The following MTOR variants were observed in gnomAD, a reference collection of about 807,000 sequenced individuals.
MTOR encodes the protein serine/threonine-protein kinase mTOR.
A neutral mutation model predicts 319.8 loss-of-function variants in MTOR; 70 were observed. That is an observed-to-expected ratio of 0.22 (90% CI 0.18 to 0.27). The LOEUF is 0.27. Among genes scored for constraint, MTOR ranks in the 10% least tolerant of loss-of-function variants. The pLI is 1.00. For missense variants in MTOR, 1,890 were observed against 3,274.4 expected (o/e 0.58, Z 10.32); for synonymous variants, 1,183 against 1,211.4 (o/e 0.98, Z 0.49).
At chr1:11,108,834 A>C (rs541306546) in intron 56 of MTOR, among the ~76,000 whole-genome samples, 1 of 151,886 alleles carries the variant, frequency 6.6e-6, no homozygotes, top group African/African-American at 2.4e-5. Context: ...ATCTCTACTA[A>C]AAACACAAAA....
intron 25 of MTOR, 126 bp downstream of exon 25, chr1:11,209,186 G>T: frequency 9.1e-7 from 1 of 1,102,052 alleles, no homozygotes; most frequent in Non-Finnish European, 1.3e-6. Flanking sequence ...TAAGTTCATG[G>T]TATCTAGATT....
intron 31 of MTOR, among the ~76,000 whole-genome samples, chr1:11,148,264 A>C (rs1177626468): frequency 6.6e-6 from 1 of 152,190 alleles, no homozygotes; most frequent in Non-Finnish European, 1.5e-5. Flanking sequence ...CCAAAATACT[A>C]GTCTGGAAAC....
chr1:11,254,494 T>C (rs186186027), intron 5 of MTOR, among the ~76,000 whole-genome samples: 72 of 152,218 alleles, frequency 4.7e-4, no homozygotes, highest in Non-Finnish European at 8.5e-4. Flanking sequence ...TCATCCCTAT[T>C]TAACAGCTAA....
intron 54 of MTOR, 38 bp downstream of exon 54, chr1:11,112,814 G>C: frequency 6.2e-7 from 1 of 1,606,458 alleles, no homozygotes; most frequent in South Asian, 1.1e-5. Context: ...CTCTGCACAA[G>C]GGGGAGAGCC....
chr1:11,165,628 A>T (rs1462179415), intron 29 of MTOR, among the ~76,000 whole-genome samples: 12 of 152,224 alleles, frequency 7.9e-5, no homozygotes, highest in Non-Finnish European at 1.3e-4. Context: ...TTCCATGCTC[A>T]TGGATAGGAA....
chr1:11,251,011 G>C (rs576532660), intron 6 of MTOR, among the ~76,000 whole-genome samples: 1 of 152,276 alleles, frequency 6.6e-6, no homozygotes, highest in East Asian at 1.9e-4. Flanking sequence ...CTCCTAACTG[G>C]ATTCCTGGCT....
chr1:11,177,785 T>TG (rs548072925), intron 28 of MTOR, among the ~76,000 whole-genome samples: 1 of 151,864 alleles, frequency 6.6e-6, no homozygotes, highest in Non-Finnish European at 1.5e-5. Flanking sequence ...CGTGGGGGAA[T>TG]GGGGGCGCGT....
chr1:11,149,461 C>T (rs964509067), intron 31 of MTOR: 1 of 152,240 alleles, frequency 6.6e-6, no homozygotes, highest in African/African-American at 2.4e-5. Flanking sequence ...GAAGCTTCTG[C>T]ACTCCAGACC....
intron 28 of MTOR, chr1:11,195,354 C>A: frequency 4.4e-6 from 1 of 228,082 alleles, no homozygotes. Flanking sequence ...ATTTTGAGAT[C>A]GTTTTATCTA....
intron 38 of MTOR, chr1:11,132,005 C>A (rs1643186351): frequency 6.6e-6 from 1 of 152,132 alleles, no homozygotes; most frequent in South Asian, 2.1e-4. Flanking sequence ...CTGCTATGTG[C>A]CTGGCAATGA....
intron 19 of MTOR, among the ~76,000 whole-genome samples, chr1:11,228,442 G>T (rs1646916273): frequency 6.6e-6 from 1 of 152,112 alleles, no homozygotes; most frequent in Admixed American, 6.6e-5. Context: ...GCCCACTTCG[G>T]CCTCCCAAAG....
intron 5 of MTOR, among the ~76,000 whole-genome samples, chr1:11,255,557 A>G (rs144731729): frequency 7.9e-4 from 120 of 152,280 alleles, no homozygotes; most frequent in African/African-American, 2.6e-3. Context: ...TGAGCATAAA[A>G]AATTCATTGG....
At position 11,122,368 on chromosome 1, in the gene MTOR, TA is replaced by T. The variant is rs893703967; in HGVS notation, c.6663-243del. Among the ~76,000 whole-genome samples the T allele has an allele frequency of 4.6e-5, 7 of 151,112 alleles. 1 individual carries two copies. In the South Asian group the frequency reaches 8.4e-4, roughly 18 times the overall value. ...ACAGGCGTGTGCCACCATGCCCAAC[TA>T]ATCTTTTTATTTTTGGTAGAGACGG... On this transcript the variant is annotated intron_variant, in intron 47 of 57. Transcript: ENST00000361445.
chr1:11,253,172 A>T (rs138272115), intron 6 of MTOR, among the ~76,000 whole-genome samples: 65 of 152,210 alleles, frequency 4.3e-4, no homozygotes, highest in South Asian at 1.0e-3. Flanking sequence ...TTGTGGTCCG[A>T]TGCTTCTCCC....
chr1:11,133,163 G>T lies in MTOR; in HGVS notation c.5281C>A (p.Leu1761Ile), dbSNP rs768858466. 6.2e-7 allele frequency: 1 copy of T among 1,614,176 alleles called. No individual in the cohort carries two copies. Among genetic ancestry groups the T allele is most frequent in the Non-Finnish European group, 8.5e-7 (1 of 1,180,038 alleles). Residue 1761 changes from leucine to isoleucine, a missense_variant, in exon 38 of 58, where the codon CTA becomes ATA. Transcript: ENST00000361445. This position sits in a 1 kb window ranked among gnomAD's most constrained non-coding sequence, Gnocchi z 4.0. ...FLKLGEWQLNLQGINESTIPK... is the reference protein window; with the variant it reads ...FLKLGEWQLNIQGINESTIPK... ...ATTGTGCTCTCATTGATGCCCTGTAGATTCAGCTGCCACTCTCCAAGTTTC... is the reference window on the plus strand; with the variant it reads ...ATTGTGCTCTCATTGATGCCCTGTATATTCAGCTGCCACTCTCCAAGTTTC...
At chr1:11,192,984 G>A (rs1467485861) in intron 28 of MTOR, among the ~76,000 whole-genome samples, 1 of 151,942 alleles carries the variant, frequency 6.6e-6, no homozygotes, top group Non-Finnish European at 1.5e-5. Flanking sequence ...TTCCTTGGGG[G>A]AGGAGAAAAG....
chr1:11,107,057 C>T lies in MTOR; in HGVS notation c.*428G>A. 2 of 1,372,030 alleles carry T rather than the reference C, an allele frequency of 1.5e-6. No individual in the cohort carries two copies. The highest frequency in any genetic ancestry group is 1.9e-6 in the Non-Finnish European group (2 of 1,039,806). 85.0% of individuals were successfully genotyped at this position (1,372,030 alleles called of 1,614,324 possible). ...TGTCTTTACAGTCTAGGATCCTAAT[C>T]CATGTTCTCCACGACCTGAGGCTTC... On this transcript the variant is annotated 3_prime_UTR_variant, in exon 58 of 58. Transcript: ENST00000361445.
chr1:11,159,281 T>C (rs1644403745), intron 29 of MTOR, among the ~76,000 whole-genome samples: 1 of 152,186 alleles, frequency 6.6e-6, no homozygotes, highest in Non-Finnish European at 1.5e-5. Context: ...GTGGCAAGGA[T>C]GGATGAGATA....
intron 16 of MTOR, among the ~76,000 whole-genome samples, chr1:11,231,883 C>G (rs1647028354): frequency 6.6e-6 from 1 of 152,088 alleles, no homozygotes; most frequent in African/African-American, 2.4e-5. Flanking sequence ...TGCCACCATG[C>G]CCAGCTATTT....
Sources: gnomAD v4.1 joint callset for allele counts (sites outside exome capture counted in the v4.1 genomes callset) on GRCh38, gnomAD v4.1.1 for gene constraint, Gnocchi (gnomAD v3.1) non-coding constraint, MANE v1.5 for transcripts, NCBI Gene and HGNC (gene_info 2026-07-23, HGNC 2026-07-21) for gene names.